Variants in ITPKB observed in about 807,000 individuals in gnomAD.
The protein encoded by ITPKB is inositol-trisphosphate 3-kinase B.
Under a neutral mutation model 69.4 loss-of-function variants are expected in ITPKB, and 13 were observed. The ratio of observed to expected loss-of-function variants is 0.19; its 90% CI spans 0.12 to 0.30. The LOEUF (loss-of-function observed/expected upper bound fraction) is 0.30, where lower values mean the gene tolerates loss of function less well. Ranked by LOEUF, ITPKB falls within the 10% of genes least tolerant of loss-of-function variation. The pLI is 1.00. For missense variants in ITPKB, 1,240 were observed against 1,250.5 expected, an observed-to-expected ratio of 0.99 and a Z score of 0.13; for synonymous variants, 584 against 513.7, an observed-to-expected ratio of 1.14 and a Z score of -1.85.
chr1:226,674,553 C>T (rs1249349825), intron 2 of ITPKB, among the ~76,000 whole-genome samples: 2 of 152,040 alleles, frequency 1.3e-5, no homozygotes, highest in African/African-American at 4.8e-5. Flanking sequence ...AGGCTGGTCT[C>T]GAACTTCTGA....
chr1:226,652,529 C>A (rs1335507566), intron 2 of ITPKB, among the ~76,000 whole-genome samples: 1 of 152,214 alleles, frequency 6.6e-6, no homozygotes, highest in Admixed American at 6.5e-5. Flanking sequence ...GGGAGATATT[C>A]AAGAGTGAGC....
At chr1:226,667,300 A>G (rs1669520967) in intron 2 of ITPKB, among the ~76,000 whole-genome samples, 2 of 152,198 alleles carry the variant, frequency 1.3e-5, no homozygotes, top group Non-Finnish European at 2.9e-5. Flanking sequence ...CAGAGTTGGG[A>G]ATCGATAAAT....
Position 226,736,982 on chromosome 1 carries a change from G to A in ITPKB, c.477C>T (p.Ser159=), listed in dbSNP as rs749038071. 2.5e-6 allele frequency: 4 copies of A among 1,612,530 alleles called. No homozygotes were observed. The South Asian group carries it at 4.4e-5, about 18-fold the overall frequency. ...GCGGGCTGCGGGGCGCTTGAATGGC[G>A]GAGCTCTGTGCCTGGATGTGCGCCT... is the stretch of plus-strand genomic sequence containing the variant. ...MFEAHIQAQS[S]AIQAPRSPRL... Residue 159 remains serine (S), a synonymous_variant, in exon 2 of 8, where the codon TCC becomes TCT. Transcript: ENST00000429204.
At chr1:226,722,854 T>A (rs914055543) in intron 2 of ITPKB, among the ~76,000 whole-genome samples, 1 of 128,984 alleles carries the variant, frequency 7.8e-6, no homozygotes, top group Non-Finnish European at 1.7e-5. Context: ...TAATGGGTCC[T>A]GGGGCTAGAA....
intron 4 of ITPKB, among the ~76,000 whole-genome samples, chr1:226,646,283 T>C (rs996958646): frequency 1.3e-5 from 2 of 152,116 alleles, no homozygotes; most frequent in Non-Finnish European, 2.9e-5. Flanking sequence ...CCGACAGCCT[T>C]AGGGAGGTTC....
intron 2 of ITPKB, among the ~76,000 whole-genome samples, chr1:226,713,186 C>T (rs950068894): frequency 1.3e-5 from 2 of 152,132 alleles, no homozygotes; most frequent in African/African-American, 4.8e-5. Context: ...GCTGGCTATT[C>T]GACCTCTTCG....
At chr1:226,654,921 AGAG>A (rs1669261625) in intron 2 of ITPKB, among the ~76,000 whole-genome samples, 1 of 152,074 alleles carries the variant, frequency 6.6e-6, no homozygotes, top group Non-Finnish European at 1.5e-5. Context: ...AAGAGGAAGA[AGAG>A]GAGAAGAGTG....
At chr1:226,702,999 A>G (rs766099137) in intron 2 of ITPKB, among the ~76,000 whole-genome samples, 5 of 152,292 alleles carry the variant, frequency 3.3e-5, no homozygotes, top group Non-Finnish European at 2.9e-5. Flanking sequence ...GTTTATTTTC[A>G]TAACAGTAAA....
intron 1 of ITPKB, among the ~76,000 whole-genome samples, chr1:226,737,921 T>C (rs183462553): frequency 6.6e-6 from 1 of 152,188 alleles, no homozygotes; most frequent in African/African-American, 2.4e-5. Context: ...TCCCTTCAAA[T>C]CCCAATCCTA....
intron 2 of ITPKB, among the ~76,000 whole-genome samples, chr1:226,691,219 T>C (rs1656341032): frequency 6.6e-6 from 1 of 152,052 alleles, no homozygotes; most frequent in Non-Finnish European, 1.5e-5. Flanking sequence ...TTTTATGTTA[T>C]GTACACTTTG....
At chr1:226,703,362 C>G (rs1351895979) in intron 2 of ITPKB, among the ~76,000 whole-genome samples, 4 of 152,252 alleles carry the variant, frequency 2.6e-5, no homozygotes, top group African/African-American at 9.6e-5. Context: ...CCGCCCTCAG[C>G]TCAGGCCCGG....
intron 2 of ITPKB, among the ~76,000 whole-genome samples, chr1:226,663,785 C>A (rs911344282): frequency 6.6e-6 from 1 of 152,218 alleles, no homozygotes; most frequent in Non-Finnish European, 1.5e-5. Flanking sequence ...CCACCCCCCA[C>A]GGCCTCTCAA....
chr1:226,717,728 C>T (rs1214306196), intron 2 of ITPKB, among the ~76,000 whole-genome samples: 1 of 152,110 alleles, frequency 6.6e-6, no homozygotes, highest in Non-Finnish European at 1.5e-5. Context: ...TCCGGGCCTC[C>T]TACACACCAC....
intron 4 of ITPKB, among the ~76,000 whole-genome samples, chr1:226,644,456 C>T (rs1669025410): frequency 2.0e-5 from 3 of 152,184 alleles, no homozygotes; most frequent in African/African-American, 7.2e-5. Context: ...CGAAAGCCAC[C>T]CAGAGCTCCT....
intron 2 of ITPKB, chr1:226,656,610 A>AT (rs989160797): frequency 9.2e-5 from 14 of 152,200 alleles, no homozygotes; most frequent in African/African-American, 2.9e-4. Flanking sequence ...CACCTTGCAA[A>AT]TTAAGGGCTG....
chr1:226,644,889 G>A (rs1370682070), intron 4 of ITPKB, among the ~76,000 whole-genome samples: 3 of 152,222 alleles, frequency 2.0e-5, no homozygotes, highest in African/African-American at 7.2e-5. Context: ...CGCATTTGGG[G>A]GAAGGCACAG....
chr1:226,733,280 G>A (rs890831265), intron 2 of ITPKB, among the ~76,000 whole-genome samples: 8 of 152,174 alleles, frequency 5.3e-5, no homozygotes, highest in Non-Finnish European at 1.2e-4. Flanking sequence ...TGCTACATCA[G>A]TTTGGTAGAA....
intron 2 of ITPKB, among the ~76,000 whole-genome samples, chr1:226,718,603 C>CA (rs201766981): frequency 1.8e-4 from 27 of 151,588 alleles, no homozygotes; most frequent in African/African-American, 3.1e-4. Flanking sequence ...GACCCTGTCT[C>CA]AAAAAAAACA....
At chr1:226,664,319 G>A (rs561602753) in intron 2 of ITPKB, among the ~76,000 whole-genome samples, 1 of 152,232 alleles carries the variant, frequency 6.6e-6, no homozygotes, top group Non-Finnish European at 1.5e-5. Context: ...TCTGCTTTGT[G>A]CAGTCAGGAT....
Sources: allele counts gnomAD v4.1 joint callset (sites outside exome capture counted in the v4.1 genomes callset), GRCh38; gene constraint gnomAD v4.1.1; transcripts MANE v1.5; gene names NCBI Gene and HGNC (gene_info 2026-07-23, HGNC 2026-07-21).